NRG1: variants seen among roughly 807,000 people sequenced by gnomAD.
NRG1 encodes the protein neuregulin 1.
A neutral mutation model predicts 63.8 loss-of-function variants in NRG1; 18 were observed. That is an observed-to-expected ratio of 0.28 (90% confidence interval 0.19 to 0.42). The LOEUF (loss-of-function observed/expected upper bound fraction) is 0.42. Among genes scored for constraint, NRG1 ranks in the 10% least tolerant of loss-of-function variants. The pLI is 1.00. For missense variants in NRG1, 762 were observed against 814.7 expected (o/e 0.94, Z 0.79); for synonymous variants, 302 against 301.3 (o/e 1.00, Z -0.02).
At position 32,448,811 on chromosome 8, in the gene NRG1, T is replaced by A. The variant is rs974004508; in HGVS notation, c.38-147017T>A. The stretch of plus-strand genomic sequence containing the variant: ...TATAAGCTGACAACAAAATGTTTCT[T>A]CAAAGTGCTCATTGTTTACTCTATT... On this transcript the variant is annotated intron_variant, in intron 1 of 10. Coordinates refer to the NRG1 transcript ENST00000519301. 2.0e-5 allele frequency among the ~76,000 whole-genome samples: 3 copies of A among 152,150 alleles called. No individual in the cohort carries two copies. In the East Asian group the frequency reaches 5.8e-4, roughly 29 times the overall value.
At chr8:32,368,020 A>G (rs1008989050) in intron 1 of NRG1, among the ~76,000 whole-genome samples, 1 of 152,136 alleles carries the variant, frequency 6.6e-6, no homozygotes, top group African/African-American at 2.4e-5. Flanking sequence ...ATTCTGTTCC[A>G]TTGGTCTATA....
intron 1 of NRG1, among the ~76,000 whole-genome samples, chr8:32,405,356 C>T (rs1013205805): frequency 1.3e-5 from 2 of 152,170 alleles, no homozygotes; most frequent in African/African-American, 4.8e-5. Context: ...CATTTGAAGC[C>T]ACCAAGCCTG....
chr8:32,299,025 C>CAAAAAAAAAAAAAAAAAAAAA (rs34799826), intron 1 of NRG1, among the ~76,000 whole-genome samples: 1 of 59,572 alleles, frequency 1.7e-5, no homozygotes, highest in Non-Finnish European at 3.3e-5. Context: ...GACTCTATCT[C>CAAAAAAAAAAAAAAAAAAAAA]AAAAAAAAAA....
At chr8:32,685,484 G>C (rs1032068855) in intron 5 of NRG1, among the ~76,000 whole-genome samples, 1 of 152,100 alleles carries the variant, frequency 6.6e-6, no homozygotes, top group Non-Finnish European at 1.5e-5. Context: ...ACCATCACAA[G>C]CAAATTCTGA....
intron 1 of NRG1, among the ~76,000 whole-genome samples, chr8:31,677,354 T>TGATATAGAATCTATGTAGG (rs1212778845): frequency 3.3e-5 from 5 of 152,212 alleles, no homozygotes; most frequent in Non-Finnish European, 5.9e-5. Flanking sequence ...GTCTATCTAT[T>TGATATAGAATCTATGTAGG]GATATAGAAT....
chr8:32,626,624 G>C (rs1849332599), intron 5 of NRG1, among the ~76,000 whole-genome samples: 1 of 151,494 alleles, frequency 6.6e-6, no homozygotes, highest in Admixed American at 6.6e-5. Flanking sequence ...AGTTTGCAGT[G>C]AGCCAAAATC....
intron 1 of NRG1, among the ~76,000 whole-genome samples, chr8:32,265,268 G>T (rs1351347979): frequency 6.6e-6 from 1 of 152,092 alleles, no homozygotes; most frequent in Non-Finnish European, 1.5e-5. Context: ...CCAGGAGGTG[G>T]TGGCTGCAGT....
chr8:31,864,022 A>G (rs778097687), intron 1 of NRG1, among the ~76,000 whole-genome samples: 1 of 152,230 alleles, frequency 6.6e-6, no homozygotes, highest in East Asian at 1.9e-4. Flanking sequence ...AATATTAAGC[A>G]TGGCCTATAC....
At chr8:31,737,989 A>G (rs1282404008) in intron 1 of NRG1, among the ~76,000 whole-genome samples, 2 of 152,120 alleles carry the variant, frequency 1.3e-5, no homozygotes. Flanking sequence ...TATATATATT[A>G]ACATTCTACT....
intron 1 of NRG1, among the ~76,000 whole-genome samples, chr8:31,891,809 C>A (rs1354751910): frequency 1.3e-5 from 2 of 152,026 alleles, no homozygotes; most frequent in Admixed American, 6.6e-5. Flanking sequence ...TAGTATTCAG[C>A]AATAAAATAG....
chr8:31,754,323 G>T (rs1428766697), intron 1 of NRG1, among the ~76,000 whole-genome samples: 1 of 152,060 alleles, frequency 6.6e-6, no homozygotes. Context: ...CTATCCCCTT[G>T]GTACTGTCCT....
Position 31,766,068 on chromosome 8 carries a change from G to A in NRG1, c.37+126637G>A, listed in dbSNP as rs76944717. On this transcript the variant is annotated intron_variant, in intron 1 of 10. Coordinates refer to the NRG1 transcript ENST00000519301. ...CGTATATTTCCCTAGAGAACACACC[G>A]ATATGAGAACATACGAAGCCTACAC... 4.5e-4 allele frequency among the ~76,000 whole-genome samples: 69 copies of A among 151,950 alleles called. 2 individuals are homozygous for A. The East Asian group carries it at 9.1e-3, about 20-fold the overall frequency.
Position 31,662,223 on chromosome 8 carries a change from C to T in NRG1, c.37+22792C>T, listed in dbSNP as rs568126511. Among the ~76,000 whole-genome samples, 165 of 152,290 alleles carry T rather than the reference C, an allele frequency of 1.1e-3. 2 individuals are homozygous for T. The highest frequency in any genetic ancestry group is 3.8e-3 in the African/African-American group (159 of 41,572). ...CATGGAGGAGGTTTCCAAATATTCACAGCACCAAGTGATCAAAAGCTGTAA... is the reference window on the plus strand; with the variant it reads ...CATGGAGGAGGTTTCCAAATATTCATAGCACCAAGTGATCAAAAGCTGTAA... On this transcript the variant is annotated intron_variant, in intron 1 of 10. Coordinates refer to the NRG1 transcript ENST00000519301.
rs371262405 is a variant in NRG1 at position 32,672,324 on chromosome 8, G to A, written c.502+55439G>A. On this transcript the variant is annotated intron_variant, in intron 5 of 11. Coordinates refer to ENST00000356819, the Ensembl canonical transcript of NRG1. ...CTCCCAAAGTGCTGGGATTACAGGT[G>A]TGAGCCACCATGCCTGGCCTTCATC... Among the ~76,000 whole-genome samples the A allele has an allele frequency of 3.1e-4, 47 of 152,274 alleles. No homozygotes were observed. In the South Asian group the frequency reaches 6.9e-3, roughly 22 times the overall value.
intron 1 of NRG1, among the ~76,000 whole-genome samples, chr8:32,169,676 G>A (rs140156556): frequency 6.6e-6 from 1 of 152,268 alleles, no homozygotes; most frequent in African/African-American, 2.4e-5. Flanking sequence ...CCACTTTCTG[G>A]TCCAAAGTTG....
At chr8:32,442,660 T>A (rs910896544) in intron 1 of NRG1, 2 of 152,228 alleles carry the variant, frequency 1.3e-5, no homozygotes, top group African/African-American at 4.8e-5. Context: ...GTTCACCATG[T>A]ACCACAAATA....
chr8:31,640,124 G>A lies in NRG1; in HGVS notation c.37+693G>A, dbSNP rs1803593359. The A allele has an allele frequency of 1.7e-6, 2 of 1,155,862 alleles. No individual in the cohort carries two copies. The highest frequency in any genetic ancestry group is 1.1e-6 in the Non-Finnish European group (1 of 940,648). 71.6% of individuals were successfully genotyped at this position (1,155,862 alleles called of 1,614,324 possible). A position where few individuals can be genotyped will look rare whatever the true frequency, so the allele number is the denominator to read the frequency against. On this transcript the variant is annotated intron_variant, in intron 1 of 10. Transcript: ENST00000519301. The surrounding 1 kb of genome is among the most constrained non-coding windows in gnomAD (Gnocchi z 6.3). ...CTGGGGACCGCGGCCCTGGCGCCGG[G>A]GGCGGCGGCCGGCAACGAGGCGGCT...
At chr8:32,231,905 A>T (rs1846993102) in intron 1 of NRG1, among the ~76,000 whole-genome samples, 1 of 151,954 alleles carries the variant, frequency 6.6e-6, no homozygotes, top group Non-Finnish European at 1.5e-5. Flanking sequence ...AAAAAAAAAA[A>T]AAAAATTAAA....
At chr8:32,551,753 G>A (rs915428649) in intron 1 of NRG1, among the ~76,000 whole-genome samples, 2 of 152,070 alleles carry the variant, frequency 1.3e-5, no homozygotes, top group East Asian at 1.9e-4. Context: ...AAATAAGCAA[G>A]CTAAGAATAG....
Sources: allele counts gnomAD v4.1 joint callset (sites outside exome capture counted in the v4.1 genomes callset), GRCh38; gene constraint gnomAD v4.1.1; non-coding constraint Gnocchi (gnomAD v3.1); transcripts MANE v1.5; gene names NCBI Gene and HGNC (gene_info 2026-07-23, HGNC 2026-07-21).